Variants in GAREM1 observed in about 807,000 individuals in gnomAD.
GAREM1 encodes GRB2-associated and regulator of MAPK protein 1.
GAREM1 carries 26 observed loss-of-function variants against 71.3 expected under a neutral mutation model. The observed-to-expected ratio is 0.36, with a 90% CI of 0.27 to 0.51. The LOEUF (loss-of-function observed/expected upper bound fraction) is 0.51. GAREM1 is among the 20% of genes least tolerant of loss of function. The pLI, the probability that GAREM1 is intolerant of heterozygous loss-of-function variation, is 0.95. For missense variants in GAREM1, 1,026 were observed against 1,103.1 expected (o/e 0.93, Z 0.99); for synonymous variants, 440 against 433.2 (o/e 1.02, Z -0.20).
chr18:32,299,355 A>T (rs1173357462), intron 3 of GAREM1, among the ~76,000 whole-genome samples: 5 of 152,002 alleles, frequency 3.3e-5, no homozygotes. Flanking sequence ...TCTACTAAAA[A>T]TACAAAAAAT....
chr18:32,403,723 G>A (rs1006899739), intron 1 of GAREM1, among the ~76,000 whole-genome samples: 1 of 152,172 alleles, frequency 6.6e-6, no homozygotes, highest in African/African-American at 2.4e-5. Flanking sequence ...TTACAGGTAT[G>A]AGCCACTGTG....
chr18:32,341,600 G>A (rs925800259), intron 2 of GAREM1, among the ~76,000 whole-genome samples: 5 of 152,200 alleles, frequency 3.3e-5, no homozygotes, highest in African/African-American at 4.8e-5. Context: ...CACCAACAGT[G>A]TAAGATAAAT....
chr18:32,414,773 A>C (rs1049014588), intron 1 of GAREM1, among the ~76,000 whole-genome samples: 13 of 152,062 alleles, frequency 8.5e-5, no homozygotes, highest in African/African-American at 3.1e-4. Context: ...AAGGAAAAAA[A>C]CCTTCAAATA....
At chr18:32,365,979 G>T (rs1400093865) in intron 2 of GAREM1, among the ~76,000 whole-genome samples, 1 of 152,046 alleles carries the variant, frequency 6.6e-6, no homozygotes, top group Non-Finnish European at 1.5e-5. Context: ...AATCATAAAA[G>T]ATCCTCCAGA....
Position 32,470,255 on chromosome 18 carries a change from G to A in GAREM1, c.121+53C>T. 1 of 1,416,864 alleles carries A rather than the reference G, an allele frequency of 7.1e-7. No homozygotes were observed. Among genetic ancestry groups the A allele is most frequent in the Non-Finnish European group, 9.3e-7 (1 of 1,076,472 alleles). 87.8% of individuals were successfully genotyped at this position (1,416,864 alleles called of 1,614,324 possible). A position where few individuals can be genotyped will look rare whatever the true frequency, so the allele number is the denominator to read the frequency against. ...CTCTCCAGCACACGCGCGCACACCC[G>A]CGTGGAGACGGCTGTCCTCGCCCGT... is the stretch of plus-strand genomic sequence containing the variant. On this transcript the variant is annotated intron_variant, in intron 1 of 5. Transcript: ENST00000269209. This position sits in a 1 kb window ranked among gnomAD's most constrained non-coding sequence, Gnocchi z 4.4.
At chr18:32,413,925 A>C (rs1326894143) in intron 1 of GAREM1, among the ~76,000 whole-genome samples, 3 of 152,196 alleles carry the variant, frequency 2.0e-5, no homozygotes, top group Non-Finnish European at 4.4e-5. Flanking sequence ...AAATGTAACA[A>C]AAGAAAATCA....
At chr18:32,400,713 T>C (rs1458364289) in intron 1 of GAREM1, among the ~76,000 whole-genome samples, 1 of 152,194 alleles carries the variant, frequency 6.6e-6, no homozygotes, top group East Asian at 1.9e-4. Flanking sequence ...GGAACACTTT[T>C]ACACTGTTGA....
At chr18:32,388,344 A>C (rs11665147) in intron 2 of GAREM1, among the ~76,000 whole-genome samples, 30,899 of 152,154 alleles carry the variant, frequency 0.2, 3,874 homozygotes, top group African/African-American at 0.35. Flanking sequence ...GTTAGAAAAG[A>C]ACTGTTTTGC....
chr18:32,351,094 C>G (rs1380239595), intron 2 of GAREM1, among the ~76,000 whole-genome samples: 4 of 152,112 alleles, frequency 2.6e-5, no homozygotes, highest in Admixed American at 2.6e-4. Context: ...GTATGGTGTA[C>G]TGGTGTATTT....
intron 2 of GAREM1, among the ~76,000 whole-genome samples, chr18:32,335,906 G>A (rs2047586978): frequency 6.6e-6 from 1 of 152,186 alleles, no homozygotes; most frequent in African/African-American, 2.4e-5. Context: ...TTGGGCTGAT[G>A]GTGGGCTGTG....
chr18:32,374,173 G>T (rs1187929594), intron 2 of GAREM1, among the ~76,000 whole-genome samples: 2 of 152,142 alleles, frequency 1.3e-5, no homozygotes, highest in Non-Finnish European at 1.5e-5. Flanking sequence ...CATTCAAGTA[G>T]ATATTAGAAA....
chr18:32,408,494 T>C (rs1185198828), intron 1 of GAREM1, among the ~76,000 whole-genome samples: 1 of 152,128 alleles, frequency 6.6e-6, no homozygotes, highest in Non-Finnish European at 1.5e-5. Flanking sequence ...GGAATACAGA[T>C]GAAACATCTG....
At chr18:32,283,996 C>T (rs1331575265) in intron 4 of GAREM1, among the ~76,000 whole-genome samples, 5 of 152,174 alleles carry the variant, frequency 3.3e-5, no homozygotes, top group African/African-American at 1.2e-4. Context: ...GGACACATGG[C>T]ACATCTCTCT....
intron 2 of GAREM1, among the ~76,000 whole-genome samples, chr18:32,363,842 C>T (rs1208993878): frequency 1.3e-5 from 2 of 150,712 alleles, no homozygotes; most frequent in South Asian, 2.1e-4. Context: ...AACCTTGCCA[C>T]AGCTGACTTT....
At chr18:32,280,265 C>A (rs2041595792) in intron 4 of GAREM1, among the ~76,000 whole-genome samples, 1 of 152,142 alleles carries the variant, frequency 6.6e-6, no homozygotes, top group African/African-American at 2.4e-5. Context: ...CTACTTTCCA[C>A]AGCTTATTAT....
chr18:32,268,279 T>C lies in GAREM1; in HGVS notation c.2223A>G (p.Thr741=), dbSNP rs201850663. Residue 741 remains threonine (T), a synonymous_variant, in exon 6 of 6, where the codon ACA becomes ACG. Coordinates refer to ENST00000269209, the MANE Select transcript of GAREM1 (RefSeq NM_001242409.2). The stretch of plus-strand genomic sequence containing the variant: ...CATCAATTTTCAGAGGCAAAGGAGA[T>C]GTTTCGGAGGCGACCTTCTCTTCCA... ...KLVEEKVASE[T]SPLPLKIDGA... The C allele has an allele frequency of 3.1e-5, 50 of 1,613,946 alleles. No homozygotes were observed. The East Asian group carries it at 9.6e-4, about 31-fold the overall frequency.
chr18:32,341,496 T>C (rs1465436074), intron 2 of GAREM1, among the ~76,000 whole-genome samples: 1 of 152,208 alleles, frequency 6.6e-6, no homozygotes, highest in Admixed American at 6.5e-5. Context: ...ATATACCCAG[T>C]AATGAGATGT....
intron 2 of GAREM1, among the ~76,000 whole-genome samples, chr18:32,336,695 A>C (rs932474558): frequency 2.0e-5 from 3 of 152,128 alleles, no homozygotes; most frequent in Non-Finnish European, 2.9e-5. Context: ...CCCCACTCAA[A>C]CACTCTGATG....
chr18:32,310,056 T>A (rs1175056390), intron 3 of GAREM1, 137 bp downstream of exon 3: 3 of 808,978 alleles, frequency 3.7e-6, no homozygotes, highest in Non-Finnish European at 5.8e-6. Context: ...ATATATGTGG[T>A]TTTGGCTACT....
Sources: allele counts gnomAD v4.1 joint callset (sites outside exome capture counted in the v4.1 genomes callset), GRCh38; gene constraint gnomAD v4.1.1; non-coding constraint Gnocchi (gnomAD v3.1); transcripts MANE v1.5; gene names NCBI Gene and HGNC (gene_info 2026-07-23, HGNC 2026-07-21).